FBXO22: variants seen among roughly 807,000 people sequenced by gnomAD.
FBXO22 encodes F-box only protein 22.
In FBXO22, 13 loss-of-function variants were observed where a neutral mutation model predicts 37.2. That is an observed-to-expected ratio of 0.35 (90% confidence interval 0.23 to 0.56). The LOEUF (loss-of-function observed/expected upper bound fraction) is 0.56. Ranked by LOEUF, FBXO22 falls within the 20% of genes least tolerant of loss-of-function variation. The pLI is 0.87. For missense variants in FBXO22, 446 were observed against 509.9 expected, an observed-to-expected ratio of 0.87 and a Z score of 1.21; for synonymous variants, 189 against 189.1, an observed-to-expected ratio of 1.00 and a Z score of 0.00.
chr15:75,924,986 C>A (rs1234381790), intron 5 of FBXO22, among the ~76,000 whole-genome samples: 1 of 152,148 alleles, frequency 6.6e-6, no homozygotes, highest in Non-Finnish European at 1.5e-5. Flanking sequence ...TGCGGAGAGT[C>A]CCATTAGAAA....
Position 75,915,216 on chromosome 15 carries a change from C to T in FBXO22, c.463+1011C>T, listed in dbSNP as rs183494580. On this transcript the variant is annotated intron_variant, in intron 4 of 6. Coordinates refer to ENST00000308275, the MANE Select transcript of FBXO22 (RefSeq NM_147188.3). ...AAATTCCTGACCTCAGGTGATCCAC[C>T]GCCTCAGCCTCCCAAAGTGCTGGGA... 3.9e-3 allele frequency among the ~76,000 whole-genome samples: 587 copies of T among 151,912 alleles called. 3 individuals are homozygous for T. Among genetic ancestry groups the T allele is most frequent in the African/African-American group, 0.014 (569 of 41,436 alleles).
chr15:75,921,520 G>GGGCA (rs1300104811), intron 5 of FBXO22, among the ~76,000 whole-genome samples: 1 of 152,052 alleles, frequency 6.6e-6, no homozygotes, highest in East Asian at 1.9e-4. Flanking sequence ...AAAATTAGCT[G>GGGCA]GGCATAGTGG....
intron 5 of FBXO22, among the ~76,000 whole-genome samples, chr15:75,929,287 C>G (rs1262867666): frequency 1.3e-5 from 2 of 148,196 alleles, no homozygotes; most frequent in Admixed American, 1.4e-4. Context: ...TCCTTACTAA[C>G]ATAGCGAGAC....
At chr15:75,915,492 G>A (rs576054983) in intron 4 of FBXO22, among the ~76,000 whole-genome samples, 12 of 152,152 alleles carry the variant, frequency 7.9e-5, no homozygotes, top group East Asian at 5.8e-4. Context: ...TTGGCCTGGC[G>A]TGGTGGCTGA....
intron 3 of FBXO22, 87 bp downstream of exon 3, chr15:75,913,377 T>A: frequency 1.1e-6 from 1 of 885,448 alleles, no homozygotes; most frequent in Non-Finnish European, 1.8e-6. Context: ...TCCTGAGAGT[T>A]AACTGACTTT....
rs1251607784 is a variant in FBXO22, at chr15:75,936,104, C to T, written c.*3002C>T. The T allele has an allele frequency of 1.3e-5, 2 of 152,190 alleles. No individual in the cohort carries two copies. Among genetic ancestry groups the T allele is most frequent in the South Asian group, 2.1e-4 (1 of 4,820 alleles). The allele number at this position is 152,190 out of a possible 1,614,324, so 9.4% of individuals were successfully genotyped here. A position where few individuals can be genotyped will look rare whatever the true frequency, so the allele number is the denominator to read the frequency against. On this transcript the variant is annotated 3_prime_UTR_variant, in exon 7 of 7. Transcript: ENST00000308275. The stretch of plus-strand genomic sequence containing the variant: ...GCCCAGCCACAAATCTGAGAACTTT[C>T]TATGCAATCTGCAGAAATTTTTAAG...
In FBXO22 at chr15:75,940,742, T is replaced by G. The variant is rs2030869129; in HGVS notation, c.*7640T>G. On this transcript the variant is annotated 3_prime_UTR_variant, in exon 7 of 7. Transcript: ENST00000308275. ...GTGCCAAGGCTATTCCAAGGATAGT[T>G]TTTTCAACAAATAATGATGGGAAAG... 1 of 150,582 alleles carries G rather than the reference T, an allele frequency of 6.6e-6. No homozygotes were observed. The allele number at this position is 150,582 out of a possible 1,614,324, so 9.3% of individuals were successfully genotyped here.
chr15:75,930,190 GCTAA>G, intron 6 of FBXO22, 141 bp downstream of exon 6: 10 of 1,486,660 alleles, frequency 6.7e-6, no homozygotes, highest in Non-Finnish European at 8.9e-6. Flanking sequence ...GTAGACATTG[GCTAA>G]GGGGCTTACT....
intron 6 of FBXO22, among the ~76,000 whole-genome samples, chr15:75,932,202 C>T (rs974486861): frequency 6.6e-6 from 1 of 152,126 alleles, no homozygotes; most frequent in Non-Finnish European, 1.5e-5. Context: ...TAACAGAGAA[C>T]CCTATCTCTA....
chr15:75,925,708 T>C (rs1567055479), intron 5 of FBXO22, among the ~76,000 whole-genome samples: 1 of 149,332 alleles, frequency 6.7e-6, no homozygotes, highest in Non-Finnish European at 1.5e-5. Context: ...CTGACATCTA[T>C]TCAAGACAAT....
At position 75,941,641 on chromosome 15, in the gene FBXO22, TTAAG is replaced by T. The variant is rs1156698942; in HGVS notation, c.*8543_*8546del. ...ACATCATGGATGAACCTTTCAGACA[TTAAG>T]TAAATCACAAAAGGACAATACTATA... On this transcript the variant is annotated 3_prime_UTR_variant, in exon 7 of 7. Coordinates refer to ENST00000308275, the MANE Select transcript of FBXO22 (RefSeq NM_147188.3). 6.6e-6 allele frequency: 1 copy of T among 152,152 alleles called. No homozygotes were observed. The highest frequency in any genetic ancestry group is 6.5e-5 in the Admixed American group (1 of 15,284). 9.4% of individuals were successfully genotyped at this position (152,152 alleles called of 1,614,324 possible). A position where few individuals can be genotyped will look rare whatever the true frequency, so the allele number is the denominator to read the frequency against.
At chr15:75,904,779 G>A (rs1174637434) in intron 2 of FBXO22, 150 bp downstream of exon 2, 2 of 734,602 alleles carry the variant, frequency 2.7e-6, no homozygotes. Context: ...GTGACTACAC[G>A]GTAAGGATGT....
intron 5 of FBXO22, among the ~76,000 whole-genome samples, chr15:75,927,456 G>A (rs1448218975): frequency 6.6e-6 from 1 of 152,162 alleles, no homozygotes; most frequent in East Asian, 1.9e-4. Context: ...AGTGTCAGGA[G>A]ATGTGGGTTT....
At position 75,934,804 on chromosome 15, in the gene FBXO22, A is replaced by G. The variant is rs144589375; in HGVS notation, c.*1702A>G. 2.2e-3 allele frequency: 335 copies of G among 152,370 alleles called. No homozygotes were observed. Among genetic ancestry groups the G allele is most frequent in the African/African-American group, 7.4e-3 (306 of 41,600 alleles). The allele number at this position is 152,370 out of a possible 1,614,324, so 9.4% of individuals were successfully genotyped here. A position where few individuals can be genotyped will look rare whatever the true frequency, so the allele number is the denominator to read the frequency against. On this transcript the variant is annotated 3_prime_UTR_variant, in exon 7 of 7. Transcript: ENST00000308275. ...TTTTTTAAACTTTATTGTCCCTGAT[A>G]TTAACCAGAATTGGTTGAATAGTAG... is the stretch of plus-strand genomic sequence containing the variant.
At chr15:75,911,210 T>A (rs148602140) in intron 2 of FBXO22, among the ~76,000 whole-genome samples, 1 of 152,226 alleles carries the variant, frequency 6.6e-6, no homozygotes, top group East Asian at 1.9e-4. Flanking sequence ...TGCCTCCAGC[T>A]TTTTTCTTTT....
intron 2 of FBXO22, among the ~76,000 whole-genome samples, chr15:75,907,923 T>TA (rs1899964404): frequency 6.6e-6 from 1 of 151,660 alleles, no homozygotes; most frequent in African/African-American, 2.4e-5. Flanking sequence ...GCCTGGGTGA[T>TA]AAAGAGTGAG....
At position 75,904,019 on chromosome 15, in the gene FBXO22, G is replaced by A. The variant is rs1384211549; in HGVS notation, c.56G>A (p.Ser19Asn). The A allele has an allele frequency of 1.3e-6, 2 of 1,577,922 alleles. No homozygotes were observed. Among genetic ancestry groups the A allele is most frequent in the Non-Finnish European group, 1.7e-6 (2 of 1,161,598 alleles). ...ECRGSSVDPR[S>N]TFVLSNLAEV... ...CGCGGCTCCTCCGTAGACCCGCGGAGCACCTTCGTGTTGAGTAACCTGGCG... is the reference window on the plus strand; with the variant it reads ...CGCGGCTCCTCCGTAGACCCGCGGAACACCTTCGTGTTGAGTAACCTGGCG... Residue 19 changes from serine to asparagine, a missense_variant, in exon 1 of 7, where the codon AGC becomes AAC. Ser to Asn is a conservative substitution (Grantham distance 46, BLOSUM62 1). This residue lies in a region of FBXO22 where 131 missense variants were observed against 99.8 expected (regional missense o/e 1.31). Coordinates refer to ENST00000308275, the MANE Select transcript of FBXO22 (RefSeq NM_147188.3).
At chr15:75,931,511 C>T (rs1367727516) in intron 6 of FBXO22, among the ~76,000 whole-genome samples, 1 of 152,186 alleles carries the variant, frequency 6.6e-6, no homozygotes, top group Non-Finnish European at 1.5e-5. Flanking sequence ...TTAAGAGCAG[C>T]AGAGGACTTC....
chr15:75,918,403 G>A (rs1900238826), intron 5 of FBXO22, among the ~76,000 whole-genome samples: 1 of 152,068 alleles, frequency 6.6e-6, no homozygotes, highest in Admixed American at 6.6e-5. Context: ...AGACTCAGCC[G>A]GGAACCTCTT....
Sources: gnomAD v4.1 joint callset for allele counts (sites outside exome capture counted in the v4.1 genomes callset) on GRCh38, gnomAD v4.1.1 for gene constraint, gnomAD v4.1.1 regional missense constraint, MANE v1.5 for transcripts, NCBI Gene and HGNC (gene_info 2026-07-23, HGNC 2026-07-21) for gene names.